Variants in PDE4D observed in about 807,000 individuals in gnomAD.
PDE4D encodes 3',5'-cyclic-AMP phosphodiesterase 4D.
Under a neutral mutation model 87.4 loss-of-function variants are expected in PDE4D, and 24 were observed. The observed-to-expected ratio is 0.27, with a 90% CI of 0.20 to 0.39. The LOEUF (loss-of-function observed/expected upper bound fraction) is 0.39, where lower values mean the gene tolerates loss of function less well. PDE4D is among the 10% of genes least tolerant of loss of function. PDE4D has a pLI of 1.00. For missense variants in PDE4D, 714 were observed against 1,041.0 expected (o/e 0.69, Z 4.32); for synonymous variants, 384 against 383.2 (o/e 1.00, Z -0.02).
chr5:59,003,648 G>A (rs564183124), intron 6 of PDE4D, among the ~76,000 whole-genome samples: 137 of 152,126 alleles, frequency 9.0e-4, no homozygotes, highest in Non-Finnish European at 1.6e-3. Flanking sequence ...TACATAATAC[G>A]TCATGGGGTG....
At chr5:59,528,057 C>T (rs72769704) in intron 1 of PDE4D, among the ~76,000 whole-genome samples, 28,515 of 152,084 alleles carry the variant, frequency 0.19, 3,302 homozygotes, top group Non-Finnish European at 0.26. Context: ...TAAAGGTAAG[C>T]AAAATTCTTT....
At chr5:59,741,458 T>C (rs911361752) in intron 1 of PDE4D, among the ~76,000 whole-genome samples, 1 of 152,190 alleles carries the variant, frequency 6.6e-6, no homozygotes. Flanking sequence ...TAACAAGTGC[T>C]CTCAATATGA....
At chr5:60,468,789 TTGCTGGGAC>T (rs1747596190) in intron 1 of PDE4D, among the ~76,000 whole-genome samples, 1 of 151,600 alleles carries the variant, frequency 6.6e-6, no homozygotes, top group Admixed American at 6.6e-5. Context: ...GCCTCCAAAA[TTGCTGGGAC>T]TACAGGCATG....
intron 2 of PDE4D, among the ~76,000 whole-genome samples, chr5:60,050,700 G>A (rs1770022928): frequency 6.6e-6 from 1 of 152,172 alleles, no homozygotes; most frequent in Admixed American, 6.5e-5. Context: ...AACTTTAAAT[G>A]TAAATGGGAT....
chr5:59,777,397 C>A (rs539505074), intron 1 of PDE4D, among the ~76,000 whole-genome samples: 1 of 152,272 alleles, frequency 6.6e-6, no homozygotes, highest in African/African-American at 2.4e-5. Flanking sequence ...TATGGACAAA[C>A]TAACAGGACA....
intron 3 of PDE4D, among the ~76,000 whole-genome samples, chr5:59,975,910 C>T (rs1761274298): frequency 6.6e-6 from 1 of 152,154 alleles, no homozygotes; most frequent in Non-Finnish European, 1.5e-5. Flanking sequence ...TGAGTTTGCT[C>T]CCCAGTGAGA....
intron 1 of PDE4D, among the ~76,000 whole-genome samples, chr5:60,502,451 T>C (rs1489979479): frequency 6.6e-6 from 1 of 152,230 alleles, no homozygotes; most frequent in African/African-American, 2.4e-5. Context: ...CCTCCAGCTT[T>C]GTTCTTTTGG....
At chr5:60,437,306 C>T (rs1744838008) in intron 1 of PDE4D, among the ~76,000 whole-genome samples, 1 of 151,616 alleles carries the variant, frequency 6.6e-6, no homozygotes, top group Non-Finnish European at 1.5e-5. Context: ...TGACCGGTCT[C>T]TAAGTCTAAG....
rs189916406 is a variant in PDE4D, at chr5:60,145,188, T to A, written c.42+40369A>T. On this transcript the variant is annotated intron_variant, in intron 2 of 16. Transcript: ENST00000502484. Reference sequence around the variant, plus strand: ...TGCAAGTCCCAGAAGTCACTCCTTGTAATTGTACCACTGAAATCACTATAA... The same window carrying A: ...TGCAAGTCCCAGAAGTCACTCCTTGAAATTGTACCACTGAAATCACTATAA... 7.9e-5 allele frequency among the ~76,000 whole-genome samples: 12 copies of A among 152,330 alleles called. 1 individual carries two copies. In the East Asian group the frequency reaches 2.3e-3, roughly 29 times the overall value.
At chr5:60,389,153 C>G (rs1166281944) in intron 1 of PDE4D, among the ~76,000 whole-genome samples, 1 of 152,144 alleles carries the variant, frequency 6.6e-6, no homozygotes, top group East Asian at 1.9e-4. Context: ...AAATACAAGT[C>G]TAACAATAGA....
chr5:60,281,146 C>G (rs923603949), intron 1 of PDE4D, among the ~76,000 whole-genome samples: 6 of 151,254 alleles, frequency 4.0e-5, no homozygotes, highest in Admixed American at 2.0e-4. Context: ...CAGTAGCAGA[C>G]TTCGCTGTTA....
At chr5:59,488,328 G>A (rs747517527) in intron 1 of PDE4D, among the ~76,000 whole-genome samples, 8 of 152,124 alleles carry the variant, frequency 5.3e-5, no homozygotes, top group Non-Finnish European at 8.8e-5. Flanking sequence ...AACAATTTGA[G>A]CTATTCAGCT....
At chr5:60,162,061 A>G (rs1782511823) in intron 2 of PDE4D, among the ~76,000 whole-genome samples, 1 of 152,172 alleles carries the variant, frequency 6.6e-6, no homozygotes, top group African/African-American at 2.4e-5. Context: ...ACAAGAGGAA[A>G]GTGATATTAT....
intron 1 of PDE4D, among the ~76,000 whole-genome samples, chr5:59,496,937 G>A (rs1451744008): frequency 1.3e-5 from 2 of 152,090 alleles, no homozygotes; most frequent in Non-Finnish European, 2.9e-5. Context: ...TTCTGCCCTT[G>A]CCCCTACCTT....
intron 2 of PDE4D, among the ~76,000 whole-genome samples, chr5:59,998,485 CA>C (rs1302537108): frequency 6.6e-6 from 1 of 151,900 alleles, no homozygotes; most frequent in Non-Finnish European, 1.5e-5. Context: ...TAAAAACAAA[CA>C]AAACCAAAAT....
chr5:59,003,795 G>A (rs771852966), intron 6 of PDE4D, among the ~76,000 whole-genome samples: 11 of 152,148 alleles, frequency 7.2e-5, no homozygotes, highest in South Asian at 2.1e-4. Context: ...GGATTGCGGG[G>A]TGAGAGGTAG....
At chr5:59,913,609 T>C (rs899066434) in intron 3 of PDE4D, among the ~76,000 whole-genome samples, 1 of 152,130 alleles carries the variant, frequency 6.6e-6, no homozygotes, top group Non-Finnish European at 1.5e-5. Flanking sequence ...AGATACTAAA[T>C]AGTCATGGTA....
intron 1 of PDE4D, among the ~76,000 whole-genome samples, chr5:59,483,147 T>C (rs901703669): frequency 1.3e-5 from 2 of 152,142 alleles, no homozygotes; most frequent in African/African-American, 4.8e-5. Context: ...TCCTTTTGGG[T>C]ATCAAGCCTG....
At chr5:60,458,716 G>A (rs1473328023) in intron 1 of PDE4D, among the ~76,000 whole-genome samples, 1 of 151,088 alleles carries the variant, frequency 6.6e-6, no homozygotes, top group African/African-American at 2.5e-5. Context: ...ACGTGGTAGT[G>A]AGCAGCACAT....
Sources: gnomAD v4.1 joint callset for allele counts (sites outside exome capture counted in the v4.1 genomes callset) on GRCh38, gnomAD v4.1.1 for gene constraint, MANE v1.5 for transcripts, NCBI Gene and HGNC (gene_info 2026-07-23, HGNC 2026-07-21) for gene names.